Variants in POLD3 observed in about 807,000 individuals in gnomAD.
POLD3 encodes the protein DNA polymerase delta subunit 3.
In POLD3, 19 loss-of-function variants were observed where a neutral mutation model predicts 58.2. The ratio of observed to expected loss-of-function variants is 0.33; its 90% confidence interval spans 0.23 to 0.48. The LOEUF (loss-of-function observed/expected upper bound fraction) is 0.48. POLD3 is among the 20% of genes least tolerant of loss of function. POLD3 has a pLI of 0.99. For missense variants in POLD3, 504 were observed against 545.5 expected, an observed-to-expected ratio of 0.92 and a Z score of 0.76; for synonymous variants, 172 against 193.5, an observed-to-expected ratio of 0.89 and a Z score of 0.92.
At chr11:74,657,711 GT>G (rs908849238) in intron 4 of POLD3, among the ~76,000 whole-genome samples, 63 of 152,160 alleles carry the variant, frequency 4.1e-4, no homozygotes, top group Non-Finnish European at 2.2e-4. Flanking sequence ...ATAATAGTCT[GT>G]TTTTCTGTGT....
At chr11:74,616,014 A>G (rs1423945610) in intron 5 of POLD3, among the ~76,000 whole-genome samples, 1 of 152,192 alleles carries the variant, frequency 6.6e-6, no homozygotes, top group Non-Finnish European at 1.5e-5. Flanking sequence ...AGAAAATATT[A>G]ACACCCTGAT....
Position 74,642,268 on chromosome 11 carries a change from G to A in POLD3, c.*1502G>A, listed in dbSNP as rs2032933088. ...GCATTATGTCTAGGACTAAAGCAGTGGCTTTGTATAGCAAGCTGAGTAAAG... is the reference window on the plus strand; with the variant it reads ...GCATTATGTCTAGGACTAAAGCAGTAGCTTTGTATAGCAAGCTGAGTAAAG... On this transcript the variant is annotated 3_prime_UTR_variant, in exon 12 of 12. Transcript: ENST00000263681. The A allele has an allele frequency of 1.1e-5, 11 of 984,920 alleles. No individual in the cohort carries two copies. In the South Asian group the frequency reaches 5.2e-4, roughly 46 times the overall value. The allele number at this position is 984,920 out of a possible 1,614,324, so 61.0% of individuals were successfully genotyped here. A position where few individuals can be genotyped will look rare whatever the true frequency, so the allele number is the denominator to read the frequency against.
chr11:74,594,984 C>G (rs534294492), intron 2 of POLD3, among the ~76,000 whole-genome samples: 1 of 152,308 alleles, frequency 6.6e-6, no homozygotes, highest in South Asian at 2.1e-4. Flanking sequence ...CACAGCCAAA[C>G]TAGGATTGGA....
intron 4 of POLD3, 67 bp downstream of exon 4, chr11:74,611,605 T>G (rs2031913795): frequency 1.2e-6 from 1 of 816,368 alleles, no homozygotes; most frequent in Non-Finnish European, 2.1e-6. Flanking sequence ...ATAAAAAATC[T>G]GCCTCTAACA....
At chr11:74,663,870 A>C (rs887449815) in intron 4 of POLD3, among the ~76,000 whole-genome samples, 2 of 152,158 alleles carry the variant, frequency 1.3e-5, no homozygotes, top group African/African-American at 2.4e-5. Flanking sequence ...CTATCTCTCT[A>C]TGTCTATATA....
chr11:74,667,744 T>G (rs1460431343), intron 4 of POLD3, among the ~76,000 whole-genome samples: 3 of 152,112 alleles, frequency 2.0e-5, no homozygotes. Flanking sequence ...AAAGATAAAT[T>G]GGACTTCAAA....
downstream of POLD3, among the ~76,000 whole-genome samples, chr11:74,647,265 C>G (rs1003999995): frequency 6.6e-6 from 1 of 152,192 alleles, no homozygotes; most frequent in African/African-American, 2.4e-5. Context: ...AAAGTTCTAT[C>G]CTGGAATGGG....
At chr11:74,597,033 G>C (rs1443342062) in intron 2 of POLD3, among the ~76,000 whole-genome samples, 1 of 152,144 alleles carries the variant, frequency 6.6e-6, no homozygotes, top group Non-Finnish European at 1.5e-5. Flanking sequence ...TATCTTGGCT[G>C]TTGTAAATAG....
chr11:74,600,571 A>G (rs1198213577), intron 2 of POLD3, among the ~76,000 whole-genome samples: 4 of 152,074 alleles, frequency 2.6e-5, no homozygotes, highest in African/African-American at 7.2e-5. Context: ...GGAGGCAGAC[A>G]TGGCAGTGAG....
intron 2 of POLD3, among the ~76,000 whole-genome samples, chr11:74,603,404 T>C (rs958573225): frequency 4.6e-5 from 7 of 152,198 alleles, no homozygotes; most frequent in Non-Finnish European, 7.3e-5. Flanking sequence ...CCCAGATTTC[T>C]GGCTTGCGTG....
At chr11:74,637,435 C>CTTTTTTTTTTTTTTTTTTTTTTTTCT (rs5792663) in intron 11 of POLD3, among the ~76,000 whole-genome samples, 2 of 115,476 alleles carry the variant, frequency 1.7e-5, no homozygotes, top group Non-Finnish European at 3.4e-5. Flanking sequence ...CTTTTTCTTC[C>CTTTTTTTTTTTTTTTTTTTTTTTTCT]TTTTTTTTTT....
At chr11:74,609,702 A>G (rs2031841416) in intron 3 of POLD3, among the ~76,000 whole-genome samples, 1 of 152,094 alleles carries the variant, frequency 6.6e-6, no homozygotes, top group African/African-American at 2.4e-5. Context: ...TTTTTAATAT[A>G]AGAAAATATA....
At chr11:74,623,722 G>A (rs1378354689) in intron 7 of POLD3, among the ~76,000 whole-genome samples, 1 of 152,128 alleles carries the variant, frequency 6.6e-6, no homozygotes, top group African/African-American at 2.4e-5. Flanking sequence ...GCTTGAAAAG[G>A]TTTCGTGTTT....
Position 74,641,681 on chromosome 11 carries a change from A to G in POLD3, c.*915A>G. ...TCCCTTCCTATATACAGTGTGCTAC[A>G]TTTACAAAAAATTTCTCCTTAAGAA... is the stretch of plus-strand genomic sequence containing the variant. On this transcript the variant is annotated 3_prime_UTR_variant, in exon 12 of 12. Transcript: ENST00000263681. The G allele has an allele frequency of 3.0e-6, 3 of 985,252 alleles. No individual in the cohort carries two copies. The highest frequency in any genetic ancestry group is 3.6e-6 in the Non-Finnish European group (3 of 829,770). The allele number at this position is 985,252 out of a possible 1,614,324, so 61.0% of individuals were successfully genotyped here. A position where few individuals can be genotyped will look rare whatever the true frequency, so the allele number is the denominator to read the frequency against.
At chr11:74,647,465 C>A (rs755443474), downstream of POLD3, among the ~76,000 whole-genome samples, 7 of 152,116 alleles carry the variant, frequency 4.6e-5, no homozygotes, top group Admixed American at 2.6e-4. Flanking sequence ...CTAGTATGGC[C>A]AGCATCTCAC....
intron 11 of POLD3, among the ~76,000 whole-genome samples, chr11:74,639,529 A>G (rs1393412363): frequency 6.6e-6 from 1 of 152,240 alleles, no homozygotes; most frequent in Admixed American, 6.5e-5. Flanking sequence ...GCTTGCTGCA[A>G]CCAGGAAGGC....
chr11:74,642,886 G>T lies in POLD3; in HGVS notation c.*2120G>T, dbSNP rs897635910. On this transcript the variant is annotated 3_prime_UTR_variant, in exon 12 of 12. Transcript: ENST00000263681. ...GAACAAGTTATTTGCTGCCTTCATCGTTTTTTTCAGCACTGGGGAAATGTT... is the reference window on the plus strand; with the variant it reads ...GAACAAGTTATTTGCTGCCTTCATCTTTTTTTTCAGCACTGGGGAAATGTT... 1.0e-6 allele frequency: 1 copy of T among 984,962 alleles called. No individual in the cohort carries two copies. The highest frequency in any genetic ancestry group is 1.2e-6 in the Non-Finnish European group (1 of 829,626). The allele number at this position is 984,962 out of a possible 1,614,324, so 61.0% of individuals were successfully genotyped here. A position where few individuals can be genotyped will look rare whatever the true frequency, so the allele number is the denominator to read the frequency against.
At chr11:74,624,194 G>T (rs189305897) in intron 7 of POLD3, among the ~76,000 whole-genome samples, 1 of 152,136 alleles carries the variant, frequency 6.6e-6, no homozygotes, top group Non-Finnish European at 1.5e-5. Flanking sequence ...GTATTTTTTG[G>T]ATTGGCTGTT....
intron 5 of POLD3, among the ~76,000 whole-genome samples, chr11:74,613,452 T>A (rs2031979894): frequency 6.6e-6 from 1 of 151,996 alleles, no homozygotes; most frequent in Non-Finnish European, 1.5e-5. Flanking sequence ...ATCTTTTGTA[T>A]CCTTAACAGC....
Sources: allele counts gnomAD v4.1 joint callset (sites outside exome capture counted in the v4.1 genomes callset), GRCh38; gene constraint gnomAD v4.1.1; transcripts MANE v1.5; gene names NCBI Gene and HGNC (gene_info 2026-07-23, HGNC 2026-07-21).